NWD1: variants seen among roughly 807,000 people sequenced by gnomAD.
NWD1 encodes the protein NACHT and WD repeat domain containing 1.
In NWD1, 129 loss-of-function variants were observed where a neutral mutation model predicts 135.1. That is an observed-to-expected ratio of 0.96 (90% CI 0.83 to 1.11). NWD1 has a LOEUF of 1.11. NWD1 is among the 50% of genes least tolerant of loss of function. The probability of loss-of-function intolerance (pLI) is 0.00; values close to 1 mark genes in which losing one functional copy is unlikely to be tolerated. For synonymous variants in NWD1, 773 were observed against 786.0 expected (o/e 0.98, Z 0.28); for missense variants, 1,740 against 1,851.3 (o/e 0.94, Z 1.10).
At chr19:16,721,705 C>G (rs139038538) in intron 1 of NWD1, 1,815 of 152,376 alleles carry the variant, frequency 0.012, 18 homozygotes, top group Non-Finnish European at 0.018. Context: ...CGCACTCGCT[C>G]CCTGACTCTG....
chr19:16,795,457 C>T (rs1970388828), intron 15 of NWD1, among the ~76,000 whole-genome samples: 2 of 146,276 alleles, frequency 1.4e-5, no homozygotes, highest in Non-Finnish European at 3.0e-5. Flanking sequence ...CGCTCTATTG[C>T]GTAGGCTGTA....
chr19:16,791,691 T>A, intron 14 of NWD1, 69 bp downstream of exon 14: 1 of 1,461,648 alleles, frequency 6.8e-7, no homozygotes, highest in Non-Finnish European at 9.5e-7. Context: ...TGCTAGAAGT[T>A]GGGAAAAATA....
chr19:16,770,509 G>A (rs1280696540), intron 10 of NWD1, among the ~76,000 whole-genome samples: 1 of 152,164 alleles, frequency 6.6e-6, no homozygotes, highest in Non-Finnish European at 1.5e-5. Flanking sequence ...CATGAGAACA[G>A]ACAAATACAC....
At chr19:16,778,411 T>C (rs919845567) in intron 11 of NWD1, among the ~76,000 whole-genome samples, 7 of 152,142 alleles carry the variant, frequency 4.6e-5, no homozygotes, top group Non-Finnish European at 1.0e-4. Flanking sequence ...CCAGTTGAAC[T>C]CAGAGATGTC....
Position 16,815,466 on chromosome 19 carries a change from G to T in NWD1, c.*427G>T. ...GCTTCAGATTATGGCTTCAGACCTT[G>T]TCTCTTCTCATCTTTCCATTATTCT... is the stretch of plus-strand genomic sequence containing the variant. On this transcript the variant is annotated 3_prime_UTR_variant, in exon 19 of 19. Transcript: ENST00000524140. 2 of 589,586 alleles carry T rather than the reference G, an allele frequency of 3.4e-6. No homozygotes were observed. Among genetic ancestry groups the T allele is most frequent in the South Asian group, 4.3e-5 (2 of 46,284 alleles). The allele number at this position is 589,586 out of a possible 1,614,324, so 36.5% of individuals were successfully genotyped here. A position where few individuals can be genotyped will look rare whatever the true frequency, so the allele number is the denominator to read the frequency against.
rs549717058 is a variant in NWD1, at chr19:16,764,377, A to G, written c.2251+432A>G. On this transcript the variant is annotated intron_variant, in intron 9 of 18. Transcript: ENST00000524140. ...CCATCTTCTGTCCATCCATCCATCC[A>G]TCCATCCATCCATCCATCCATCCAT... Among the ~76,000 whole-genome samples the G allele has an allele frequency of 9.5e-3, 1,189 of 125,382 alleles. 13 individuals are homozygous for G. The highest frequency in any genetic ancestry group is 0.043 in the African/African-American group (1,112 of 26,034). The allele number at this position is 125,382 out of a possible 152,430, so 82.3% of individuals were successfully genotyped here.
At chr19:16,789,235 G>A in intron 13 of NWD1, 45 bp downstream of exon 13, 1 of 1,504,662 alleles carries the variant, frequency 6.6e-7, no homozygotes. Context: ...TGAGACCAGA[G>A]CATTCAAAGA....
intron 6 of NWD1, among the ~76,000 whole-genome samples, chr19:16,753,828 A>ATCAT (rs1327095949): frequency 3.1e-5 from 4 of 129,156 alleles, no homozygotes; most frequent in African/African-American, 1.2e-4. Flanking sequence ...CATCATCTCT[A>ATCAT]TCATCCATCC....
chr19:16,742,438 G>A (rs1968123799), intron 4 of NWD1, among the ~76,000 whole-genome samples: 2 of 151,820 alleles, frequency 1.3e-5, no homozygotes, highest in African/African-American at 2.4e-5. Context: ...AGAATGTGGC[G>A]CTTTCATACT....
At chr19:16,762,243 A>T (rs1372065148) in intron 8 of NWD1, 105 bp downstream of exon 8, 3 of 981,036 alleles carry the variant, frequency 3.1e-6, no homozygotes, top group Admixed American at 4.7e-5. Context: ...CTCCCGACCT[A>T]CTTCTCCTTT....
intron 12 of NWD1, among the ~76,000 whole-genome samples, chr19:16,787,826 C>T (rs1970088003): frequency 6.6e-6 from 1 of 150,764 alleles, no homozygotes; most frequent in Non-Finnish European, 1.5e-5. Flanking sequence ...TGCCACTGAA[C>T]TCCAGCCTGG....
chr19:16,800,116 C>T lies in NWD1; in HGVS notation c.3690C>T (p.Pro1230=). The change falls in exon 17 of 19, where the codon CCC becomes CCT. Residue 1230 remains proline, a synonymous_variant. Transcript: ENST00000524140. ...ACAATGGAAGCTACGTCTACTTCCC[C>T]AAAATTGGGGACAAAAACAAAGTCA... ...VSHNGSYVYF[P]KIGDKNKVTI... is the part of the protein sequence containing the mutation. 6.2e-7 allele frequency: 1 copy of T among 1,613,804 alleles called. No individual in the cohort carries two copies.
chr19:16,784,217 A>T (rs367757045), intron 12 of NWD1, among the ~76,000 whole-genome samples: 43 of 151,908 alleles, frequency 2.8e-4, no homozygotes, highest in Middle Eastern at 3.4e-3. Flanking sequence ...AGAAAAAAAA[A>T]AAAAGAAAAA....
chr19:16,775,035 C>G (rs141813029), intron 11 of NWD1, among the ~76,000 whole-genome samples: 1 of 152,180 alleles, frequency 6.6e-6, no homozygotes, highest in African/African-American at 2.4e-5. Context: ...TGCCCACCCA[C>G]AATCTCTCAC....
At chr19:16,792,018 G>A (rs749670568) in intron 14 of NWD1, among the ~76,000 whole-genome samples, 3 of 152,054 alleles carry the variant, frequency 2.0e-5, no homozygotes, top group Non-Finnish European at 4.4e-5. Context: ...CCGGCCACAC[G>A]CTTGGCTTCT....
intron 5 of NWD1, among the ~76,000 whole-genome samples, chr19:16,746,693 CA>C (rs941222236): frequency 8.2e-5 from 6 of 73,054 alleles, no homozygotes; most frequent in South Asian, 5.2e-4. Flanking sequence ...CAAAAAACAA[CA>C]AAAAAAAACA....
At chr19:16,806,308 T>C (rs980364901) in intron 17 of NWD1, among the ~76,000 whole-genome samples, 2 of 152,164 alleles carry the variant, frequency 1.3e-5, no homozygotes, top group Admixed American at 1.3e-4. Flanking sequence ...CTCCTGGGAA[T>C]TGCCCACTGA....
rs150409927 is a variant in NWD1 at position 16,799,962 on chromosome 19, G to A, written c.3536G>A (p.Arg1179His). 3.3e-5 allele frequency: 54 copies of A among 1,614,012 alleles called. No homozygotes were observed. The highest frequency in any genetic ancestry group is 3.3e-4 in the Middle Eastern group (2 of 6,084). Residue 1179 changes from arginine (R) to histidine (H), a missense_variant, in exon 17 of 19, where the codon CGC becomes CAC. Arg to His is a conservative substitution (Grantham distance 29). Coordinates refer to ENST00000524140, the MANE Select transcript of NWD1 (RefSeq NM_001007525.5). Reference sequence around the variant, plus strand: ...GGGGCCCCCGTGAGCCTGCTGGCCCGCGGCGGGGCTTTGGTGGCATCTGCT... The same window carrying A: ...GGGGCCCCCGTGAGCCTGCTGGCCCACGGCGGGGCTTTGGTGGCATCTGCT... ...GVGAPVSLLA[R>H]GGALVASASP... is the part of the protein sequence containing the mutation.
At chr19:16,742,997 T>C (rs977602612) in intron 4 of NWD1, among the ~76,000 whole-genome samples, 2 of 146,912 alleles carry the variant, frequency 1.4e-5, no homozygotes, top group Non-Finnish European at 3.0e-5. Context: ...ACTGCAACCT[T>C]CGCCTCCCGG....
Sources: allele counts gnomAD v4.1 joint callset (sites outside exome capture counted in the v4.1 genomes callset), GRCh38; gene constraint gnomAD v4.1.1; transcripts MANE v1.5; gene names NCBI Gene and HGNC (gene_info 2026-07-23, HGNC 2026-07-21).